The following NOS1AP variants were observed in gnomAD, a reference collection of about 807,000 sequenced individuals.
NOS1AP encodes the protein nitric oxide synthase 1 adaptor protein.
NOS1AP carries 21 observed loss-of-function variants against 56.2 expected under a neutral mutation model. The observed-to-expected ratio is 0.37, with a 90% CI of 0.26 to 0.54. NOS1AP has a LOEUF of 0.54. Among genes scored for constraint, NOS1AP ranks in the 20% least tolerant of loss-of-function variants. The pLI is 0.84. For missense variants in NOS1AP, 522 were observed against 657.8 expected, an observed-to-expected ratio of 0.79 and a Z score of 2.26; for synonymous variants, 270 against 274.6, an observed-to-expected ratio of 0.98 and a Z score of 0.17.
intron 4 of NOS1AP, among the ~76,000 whole-genome samples, chr1:162,329,407 A>G (rs9661075): frequency 0.35 from 52,728 of 151,468 alleles, 9,484 homozygotes; most frequent in East Asian, 0.52. Context: ...AGGAGAAGAA[A>G]TTTTAGGAAA....
At chr1:162,297,610 T>G (rs1268332131) in intron 3 of NOS1AP, among the ~76,000 whole-genome samples, 1 of 152,126 alleles carries the variant, frequency 6.6e-6, no homozygotes, top group African/African-American at 2.4e-5. Context: ...CAGAACCACT[T>G]GAAATGTTTG....
At chr1:162,332,865 T>G in intron 4 of NOS1AP, 152 bp from the exon 5 acceptor site, 2 of 680,744 alleles carry the variant, frequency 2.9e-6, no homozygotes, top group Non-Finnish European at 5.4e-6. Flanking sequence ...GCCTCCTGCA[T>G]TGTGACTTTT....
At chr1:162,325,477 A>C (rs1193067928) in intron 4 of NOS1AP, among the ~76,000 whole-genome samples, 2 of 151,086 alleles carry the variant, frequency 1.3e-5, no homozygotes, top group Admixed American at 6.6e-5. Flanking sequence ...GCATTTGGAG[A>C]CTCTCGTCAA....
chr1:162,301,163 T>C (rs554464502), intron 4 of NOS1AP, among the ~76,000 whole-genome samples: 1 of 152,300 alleles, frequency 6.6e-6, no homozygotes, highest in Admixed American at 6.5e-5. Context: ...CAAATGTGTC[T>C]ACAGGTCTGA....
At chr1:162,181,579 T>C (rs1651264086) in intron 2 of NOS1AP, among the ~76,000 whole-genome samples, 1 of 152,248 alleles carries the variant, frequency 6.6e-6, no homozygotes, top group African/African-American at 2.4e-5. Flanking sequence ...CTGGTTCTTA[T>C]TTTTAAGGGC....
chr1:162,281,236 C>T (rs4620519), intron 2 of NOS1AP, among the ~76,000 whole-genome samples: 149,914 of 152,352 alleles, frequency 0.98, 73,801 homozygotes, highest in Middle Eastern at 1. Flanking sequence ...CCTTGCACTT[C>T]GGAATGGAAT....
At chr1:162,101,540 A>AT (rs2102031861) in intron 1 of NOS1AP, among the ~76,000 whole-genome samples, 1 of 152,260 alleles carries the variant, frequency 6.6e-6, no homozygotes, top group Non-Finnish European at 1.5e-5. Context: ...TACTTTGGGC[A>AT]TTTTTATGAT....
intron 2 of NOS1AP, among the ~76,000 whole-genome samples, chr1:162,217,267 C>CTTTTTTTTTTTTT (rs61378473): frequency 0.063 from 4,316 of 68,000 alleles, 1,402 homozygotes; most frequent in African/African-American, 0.15. Context: ...CTGTTGTTAG[C>CTTTTTTTTTTTTT]TTTTTTTTTT....
intron 2 of NOS1AP, among the ~76,000 whole-genome samples, chr1:162,217,728 T>C (rs538109250): frequency 6.6e-6 from 1 of 152,306 alleles, no homozygotes; most frequent in Non-Finnish European, 1.5e-5. Flanking sequence ...TAAAACCACA[T>C]ATACACCTTT....
At chr1:162,331,430 G>C (rs1050642361) in intron 4 of NOS1AP, among the ~76,000 whole-genome samples, 1 of 152,154 alleles carries the variant, frequency 6.6e-6, no homozygotes, top group Non-Finnish European at 1.5e-5. Context: ...ATATCAGTAA[G>C]GGGATGTAAG....
chr1:162,276,955 C>T (rs889341526), intron 2 of NOS1AP, among the ~76,000 whole-genome samples: 1 of 152,104 alleles, frequency 6.6e-6, no homozygotes, highest in African/African-American at 2.4e-5. Context: ...CTGAAAGAAA[C>T]CTTAGAGATG....
intron 2 of NOS1AP, among the ~76,000 whole-genome samples, chr1:162,220,136 T>C (rs555450535): frequency 7.2e-5 from 11 of 152,316 alleles, no homozygotes; most frequent in African/African-American, 2.6e-4. Context: ...CCAACTATGT[T>C]ACCCAGGCTG....
At chr1:162,332,525 G>A (rs1294745306) in intron 4 of NOS1AP, among the ~76,000 whole-genome samples, 2 of 152,208 alleles carry the variant, frequency 1.3e-5, no homozygotes, top group Non-Finnish European at 1.5e-5. Context: ...AGGCAGAGAG[G>A]GGACAGAGAG....
At chr1:162,078,179 G>C (rs571237439) in intron 1 of NOS1AP, among the ~76,000 whole-genome samples, 1 of 152,180 alleles carries the variant, frequency 6.6e-6, no homozygotes, top group South Asian at 2.1e-4. Context: ...CTTCTGTTAT[G>C]CAGGCTGCTG....
chr1:162,102,810 T>C (rs922855383), intron 1 of NOS1AP, among the ~76,000 whole-genome samples: 1 of 152,190 alleles, frequency 6.6e-6, no homozygotes, highest in South Asian at 2.1e-4. Flanking sequence ...ATTGTGTTTA[T>C]TTGATTCTTC....
At chr1:162,269,088 T>A (rs765114755) in intron 2 of NOS1AP, among the ~76,000 whole-genome samples, 16 of 152,144 alleles carry the variant, frequency 1.1e-4, no homozygotes, top group Non-Finnish European at 2.4e-4. Flanking sequence ...ACACCAAAGA[T>A]CAATTTCTTT....
At position 162,365,441 on chromosome 1, in the gene NOS1AP, C is replaced by T. The variant is rs751421149; in HGVS notation, c.977C>T (p.Ala326Val). Residue 326 changes from alanine to valine, a missense_variant, in exon 9 of 10, where the codon GCG (alanine) becomes GTG (valine). Physicochemically the swap from Ala to Val is moderately conservative, Grantham distance 64. Around this residue, in one of 4 missense-constraint regions of NOS1AP, gnomAD observed 52 missense variants for 94.5 expected, o/e 0.55. Coordinates refer to ENST00000361897, the MANE Select transcript of NOS1AP (RefSeq NM_014697.3). ...AAGGACCAGTTGGCTGCTGAGGCTGCGGCGCGGCTGGAGGCCCAGGCTCGC... is the reference window on the plus strand; with the variant it reads ...AAGGACCAGTTGGCTGCTGAGGCTGTGGCGCGGCTGGAGGCCCAGGCTCGC... ...LLKDQLAAEA[A>V]ARLEAQARVH... is the part of the protein sequence containing the mutation. 9.3e-6 allele frequency: 15 copies of T among 1,613,858 alleles called. No homozygotes were observed. Among genetic ancestry groups the T allele is most frequent in the South Asian group, 2.2e-5 (2 of 91,086 alleles).
chr1:162,294,499 G>A (rs956236624), intron 3 of NOS1AP, among the ~76,000 whole-genome samples: 1 of 152,166 alleles, frequency 6.6e-6, no homozygotes, highest in African/African-American at 2.4e-5. Context: ...GGTCTGTGGT[G>A]TACACTCTAT....
intron 2 of NOS1AP, among the ~76,000 whole-genome samples, chr1:162,173,930 G>A (rs150439467): frequency 5.9e-5 from 9 of 152,174 alleles, no homozygotes; most frequent in Admixed American, 2.6e-4. Context: ...AGAGGATGTG[G>A]AGAAGTAGGA....
Sources: gnomAD v4.1 joint callset for allele counts (sites outside exome capture counted in the v4.1 genomes callset) on GRCh38, gnomAD v4.1.1 for gene constraint, gnomAD v4.1.1 regional missense constraint, MANE v1.5 for transcripts, NCBI Gene and HGNC (gene_info 2026-07-23, HGNC 2026-07-21) for gene names.